PKHD1L1: variants seen among roughly 807,000 people sequenced by gnomAD.
PKHD1L1 encodes the protein PKHD1 like 1.
PKHD1L1 carries 434 observed loss-of-function variants against 462.9 expected under a neutral mutation model. The observed-to-expected ratio is 0.94, with a 90% CI of 0.87 to 1.02. PKHD1L1 has a LOEUF of 1.02. PKHD1L1 is among the 50% of genes least tolerant of loss of function. The probability of loss-of-function intolerance (pLI) is 0.00; values close to 1 mark genes in which losing one functional copy is unlikely to be tolerated. For missense variants in PKHD1L1, 5,202 were observed against 5,096.1 expected (o/e 1.02, Z -0.63); for synonymous variants, 1,781 against 1,750.0 (o/e 1.02, Z -0.44).
At chr8:109,385,354 A>G (rs993360633) in intron 5 of PKHD1L1, among the ~76,000 whole-genome samples, 183 bp from the exon 6 acceptor site, 2 of 151,816 alleles carry the variant, frequency 1.3e-5, no homozygotes, top group Admixed American at 6.6e-5. Context: ...ATATTTACAG[A>G]TACTCATTCA....
chr8:109,456,531 A>C (rs960625988), intron 46 of PKHD1L1, 140 bp downstream of exon 46: 1 of 763,088 alleles, frequency 1.3e-6, no homozygotes, highest in Non-Finnish European at 1.9e-6. Flanking sequence ...AGCCAAATAC[A>C]GATTTGCCAA....
At chr8:109,393,640 A>G (rs984923091) in intron 9 of PKHD1L1, among the ~76,000 whole-genome samples, 2 of 152,156 alleles carry the variant, frequency 1.3e-5, no homozygotes, top group Admixed American at 6.5e-5. Context: ...GCCTGGGTCC[A>G]GTTCTGTGTC....
rs778639185 is a variant in PKHD1L1, at chr8:109,461,829, A to G, written c.7304A>G (p.Asp2435Gly). 5 of 1,608,328 alleles carry G rather than the reference A, an allele frequency of 3.1e-6. No individual in the cohort carries two copies. Among genetic ancestry groups the G allele is most frequent in the Non-Finnish European group, 4.2e-6 (5 of 1,177,180 alleles). The change falls in exon 48 of 78, where the codon GAC (aspartate) becomes GGC (glycine). Residue 2435 changes from aspartate (D) to glycine (G), a missense_variant. By Grantham distance (94) the Asp-to-Gly change is moderately conservative. Coordinates refer to ENST00000378402, the MANE Select transcript of PKHD1L1 (RefSeq NM_177531.6). The part of the protein sequence containing the change: ...QGKFGEEIGS[D>G]QFGGCVMFHA... The stretch of plus-strand genomic sequence containing the variant: ...AAGTTTGGAGAAGAAATAGGAAGTG[A>G]CCAATTTGGAGGCTGCGTTATGTTT...
intron 21 of PKHD1L1, among the ~76,000 whole-genome samples, chr8:109,417,379 A>G (rs1814234496): frequency 6.6e-6 from 1 of 152,160 alleles, no homozygotes; most frequent in Non-Finnish European, 1.5e-5. Context: ...TAAAAAATGT[A>G]TCTACTGTGC....
At chr8:109,502,053 C>A (rs1819443822) in intron 67 of PKHD1L1, among the ~76,000 whole-genome samples, 1 of 151,778 alleles carries the variant, frequency 6.6e-6, no homozygotes, top group African/African-American at 2.4e-5. Context: ...TCTTCCCACA[C>A]CACACCACAC....
intron 14 of PKHD1L1, among the ~76,000 whole-genome samples, chr8:109,403,733 A>G (rs551310122): frequency 6.6e-6 from 1 of 152,220 alleles, no homozygotes; most frequent in South Asian, 2.1e-4. Flanking sequence ...AAACATGATA[A>G]ATTTCCCTCA....
At chr8:109,460,487 T>C (rs2130816673) in intron 47 of PKHD1L1, among the ~76,000 whole-genome samples, 1 of 152,220 alleles carries the variant, frequency 6.6e-6, no homozygotes. Context: ...AGTCCGAGTT[T>C]TTCAAAGTCA....
Position 109,507,715 on chromosome 8 carries a change from T to C in PKHD1L1, c.11047T>C (p.Ser3683Pro). ...CATGGTTTGTGATGCCAAGAGGAAATCTTTTCTTAGAGACATAGATGGCTC... is the reference window on the plus strand; with the variant it reads ...CATGGTTTGTGATGCCAAGAGGAAACCTTTTCTTAGAGACATAGATGGCTC... ...VDMVCDAKRK[S>P]FLRDIDGSFL... The change falls in exon 69 of 78, where the codon TCT (serine) becomes CCT (proline). Residue 3683 changes from serine to proline, a missense_variant. Around this residue, in one of 3 missense-constraint regions of PKHD1L1, gnomAD observed 698 missense variants for 736.3 expected, o/e 0.95. Transcript: ENST00000378402. The C allele has an allele frequency of 1.9e-6, 3 of 1,613,438 alleles. No homozygotes were observed. The highest frequency in any genetic ancestry group is 2.2e-5 in the South Asian group (2 of 91,068).
At chr8:109,390,970 C>T (rs559071260) in intron 9 of PKHD1L1, among the ~76,000 whole-genome samples, 1 of 152,174 alleles carries the variant, frequency 6.6e-6, no homozygotes, top group East Asian at 1.9e-4. Flanking sequence ...ATATTTATGA[C>T]TTCTAATAAA....
chr8:109,522,074 G>A, intron 73 of PKHD1L1, 112 bp from the exon 74 acceptor site: 1 of 1,108,964 alleles, frequency 9.0e-7, no homozygotes, highest in Non-Finnish European at 1.2e-6. Flanking sequence ...GAAAGCCTTA[G>A]AATTCTATAA....
intron 68 of PKHD1L1, among the ~76,000 whole-genome samples, chr8:109,505,769 G>A (rs1302898713): frequency 2.6e-5 from 4 of 151,990 alleles, no homozygotes; most frequent in Non-Finnish European, 5.9e-5. Flanking sequence ...GCTGGGTGTG[G>A]TGGTGTACAC....
intron 47 of PKHD1L1, among the ~76,000 whole-genome samples, chr8:109,460,206 C>T (rs1398478225): frequency 6.6e-6 from 1 of 151,982 alleles, no homozygotes; most frequent in Non-Finnish European, 1.5e-5. Context: ...ATATTGTCAG[C>T]AAGAAACTGC....
intron 1 of PKHD1L1, among the ~76,000 whole-genome samples, chr8:109,363,466 C>G (rs1052534791): frequency 6.6e-5 from 10 of 152,104 alleles, no homozygotes; most frequent in African/African-American, 2.4e-4. Context: ...CTGAACAAGC[C>G]AATCATAATT....
intron 21 of PKHD1L1, among the ~76,000 whole-genome samples, 155 bp downstream of exon 21, chr8:109,413,700 T>A (rs1356541519): frequency 6.6e-6 from 1 of 152,072 alleles, no homozygotes; most frequent in African/African-American, 2.4e-5. Flanking sequence ...AGTTTTCCTA[T>A]CTTACACATG....
intron 33 of PKHD1L1, 137 bp downstream of exon 33, chr8:109,440,989 G>A: frequency 9.1e-7 from 1 of 1,093,738 alleles, no homozygotes; most frequent in Non-Finnish European, 1.3e-6. Context: ...AAGTGTATTT[G>A]GTTAAAGTGA....
intron 71 of PKHD1L1, among the ~76,000 whole-genome samples, chr8:109,511,722 G>T (rs1428480427): frequency 6.6e-6 from 1 of 152,148 alleles, no homozygotes; most frequent in African/African-American, 2.4e-5. Context: ...TAATGGGATG[G>T]CTGGGTCAAA....
At chr8:109,422,311 G>A (rs1049179758) in intron 23 of PKHD1L1, among the ~76,000 whole-genome samples, 2 of 152,026 alleles carry the variant, frequency 1.3e-5, no homozygotes, top group African/African-American at 2.4e-5. Context: ...GTTCTATTAC[G>A]AGCGTCTCTT....
chr8:109,363,189 G>A (rs1044068229), intron 1 of PKHD1L1, among the ~76,000 whole-genome samples: 1 of 152,188 alleles, frequency 6.6e-6, no homozygotes, highest in Non-Finnish European at 1.5e-5. Flanking sequence ...AATTGGAGTT[G>A]TCTGTGGAGA....
At chr8:109,507,998 C>T (rs1272172772) in intron 69 of PKHD1L1, 99 bp from the exon 70 acceptor site, 1 of 1,501,084 alleles carries the variant, frequency 6.7e-7, no homozygotes, top group African/African-American at 1.4e-5. Flanking sequence ...CTTTTATTTT[C>T]TACTTCTTAA....
Sources: gnomAD v4.1 joint callset for allele counts (sites outside exome capture counted in the v4.1 genomes callset) on GRCh38, gnomAD v4.1.1 for gene constraint, gnomAD v4.1.1 regional missense constraint, MANE v1.5 for transcripts, NCBI Gene and HGNC (gene_info 2026-07-23, HGNC 2026-07-21) for gene names.